Variants in FAM118A observed in about 807,000 individuals in gnomAD.
FAM118A encodes SIR2 antiphage like 2, also known as protein FAM118A.
Under a neutral mutation model 38.2 loss-of-function variants are expected in FAM118A, and 25 were observed. The observed-to-expected ratio is 0.65, with a 90% CI of 0.48 to 0.91. The LOEUF (loss-of-function observed/expected upper bound fraction) is 0.91. FAM118A is among the 40% of genes least tolerant of loss of function. The pLI, the probability that FAM118A is intolerant of heterozygous loss-of-function variation, is 0.00. For synonymous variants in FAM118A, 178 were observed against 184.1 expected (o/e 0.97, Z 0.27); for missense variants, 425 against 463.3 (o/e 0.92, Z 0.76).
chr22:45,335,047 T>C, intron 6 of FAM118A: 1 of 412,096 alleles, frequency 2.4e-6, no homozygotes, highest in Non-Finnish European at 4.3e-6. Context: ...ACATTTGTAC[T>C]CGAATTCATG....
intron 3 of FAM118A, among the ~76,000 whole-genome samples, chr22:45,323,717 A>C (rs1455849131): frequency 6.6e-6 from 1 of 152,156 alleles, no homozygotes; most frequent in Non-Finnish European, 1.5e-5. Flanking sequence ...GAACTTTGTG[A>C]TTGTATATTC....
intron 1 of FAM118A, among the ~76,000 whole-genome samples, chr22:45,312,805 G>C (rs1019258910): frequency 2.6e-5 from 4 of 152,200 alleles, no homozygotes. Context: ...CAGAGCTTCT[G>C]TGCCCTCCCC....
chr22:45,340,835 T>G lies in FAM118A; in HGVS notation c.*430T>G. 5.3e-6 allele frequency: 1 copy of G among 189,248 alleles called. No homozygotes were observed. The highest frequency in any genetic ancestry group is 1.1e-5 in the Non-Finnish European group (1 of 90,954). The allele number at this position is 189,248 out of a possible 1,614,324, so 11.7% of individuals were successfully genotyped here. A position where few individuals can be genotyped will look rare whatever the true frequency, so the allele number is the denominator to read the frequency against. On this transcript the variant is annotated 3_prime_UTR_variant, in exon 9 of 9. Coordinates refer to ENST00000441876, the MANE Select transcript of FAM118A (RefSeq NM_017911.4). ...TTTTTTTTTTGAGTCAGAGTCTCAC[T>G]CTGTCACCCAGGACAGAGTGCAGTG...
At chr22:45,335,223 C>G in intron 6 of FAM118A, 127 bp from the exon 7 acceptor site, 4 of 982,036 alleles carry the variant, frequency 4.1e-6, no homozygotes, top group Non-Finnish European at 6.3e-6. Context: ...GTCCGCAGCC[C>G]GCGCGGGCTG....
chr22:45,331,770 G>A (rs755820068), intron 5 of FAM118A, among the ~76,000 whole-genome samples: 6 of 152,066 alleles, frequency 3.9e-5, no homozygotes, highest in Non-Finnish European at 8.8e-5. Flanking sequence ...AAATACCTGG[G>A]CTGAGACTGA....
chr22:45,330,895 C>A (rs537797329), intron 5 of FAM118A, 164 bp downstream of exon 5: 7 of 653,328 alleles, frequency 1.1e-5, no homozygotes, highest in Non-Finnish European at 1.3e-5. Context: ...TTGTCCTCGT[C>A]TGTGTCTCTG....
At chr22:45,323,557 C>T in intron 3 of FAM118A, 130 bp downstream of exon 3, 1 of 1,213,230 alleles carries the variant, frequency 8.2e-7, no homozygotes, top group Non-Finnish European at 1.1e-6. Flanking sequence ...GCTGATGAGC[C>T]AGAAATCCTT....
chr22:45,336,931 A>G (rs1471995191), intron 8 of FAM118A, among the ~76,000 whole-genome samples: 2 of 152,192 alleles, frequency 1.3e-5, no homozygotes, highest in East Asian at 1.9e-4. Flanking sequence ...TGCCTCTGTT[A>G]CAGACTAAGA....
At chr22:45,323,040 A>AGTGT in intron 2 of FAM118A, 135 bp from the exon 3 acceptor site, 2 of 518,984 alleles carry the variant, frequency 3.9e-6, no homozygotes, top group South Asian at 8.0e-5. Context: ...GTCAGAGGGG[A>AGTGT]CTGTGTGTGT....
At chr22:45,312,411 G>A (rs371705785) in intron 1 of FAM118A, among the ~76,000 whole-genome samples, 6 of 152,194 alleles carry the variant, frequency 3.9e-5, no homozygotes, top group African/African-American at 1.4e-4. Context: ...GGTGGCTCAC[G>A]CCTGTAATCC....
chr22:45,319,866 A>G (rs890438889), intron 1 of FAM118A, among the ~76,000 whole-genome samples: 70 of 152,210 alleles, frequency 4.6e-4, no homozygotes, highest in African/African-American at 1.6e-3. Context: ...TCCCTGGGGC[A>G]GGTTACAGGC....
At chr22:45,321,238 T>C (rs1249088041) in intron 1 of FAM118A, among the ~76,000 whole-genome samples, 1 of 152,032 alleles carries the variant, frequency 6.6e-6, no homozygotes, top group Non-Finnish European at 1.5e-5. Context: ...TGCCTCAGCC[T>C]CCCTTGTAAA....
At chr22:45,324,111 G>A (rs919055522) in intron 3 of FAM118A, among the ~76,000 whole-genome samples, 1 of 152,250 alleles carries the variant, frequency 6.6e-6, no homozygotes, top group East Asian at 1.9e-4. Flanking sequence ...AGGACGGGAG[G>A]AGATGTTGGA....
At chr22:45,319,532 C>T (rs967156117) in intron 1 of FAM118A, among the ~76,000 whole-genome samples, 1 of 152,172 alleles carries the variant, frequency 6.6e-6, no homozygotes, top group African/African-American at 2.4e-5. Flanking sequence ...TTCCAGCTGC[C>T]AGAGCACTTT....
intron 1 of FAM118A, among the ~76,000 whole-genome samples, chr22:45,320,336 C>T (rs1249219877): frequency 3.9e-5 from 6 of 152,020 alleles, no homozygotes; most frequent in Admixed American, 3.9e-4. Context: ...GTGGCGCAGG[C>T]CTGTGCCACT....
intron 3 of FAM118A, among the ~76,000 whole-genome samples, chr22:45,326,016 G>A (rs1385500978): frequency 6.6e-6 from 1 of 152,118 alleles, no homozygotes; most frequent in Non-Finnish European, 1.5e-5. Context: ...CTGTGGCGAT[G>A]AGTGGGAACC....
chr22:45,330,433 C>G, intron 4 of FAM118A, 170 bp from the exon 5 acceptor site: 1 of 668,094 alleles, frequency 1.5e-6, no homozygotes, highest in Non-Finnish European at 2.2e-6. Flanking sequence ...AACTAGGGCT[C>G]ACAACCAAGT....
At chr22:45,328,751 C>A in intron 4 of FAM118A, 1 of 428,600 alleles carries the variant, frequency 2.3e-6, no homozygotes, top group Non-Finnish European at 4.3e-6. Context: ...GTACTCCAGC[C>A]TGGGCAAGAG....
At position 45,341,657 on chromosome 22, in the gene FAM118A, C is replaced by T. The variant is rs1334148278; in HGVS notation, c.*1252C>T. Reference sequence around the variant, plus strand: ...CCGGGGAGCTTCTCTGACTGTGACCCGGCAGAGGCTTCTGTGGCGGTGCAT... The same window carrying T: ...CCGGGGAGCTTCTCTGACTGTGACCTGGCAGAGGCTTCTGTGGCGGTGCAT... On this transcript the variant is annotated 3_prime_UTR_variant, in exon 9 of 9. Transcript: ENST00000441876. 1.3e-5 allele frequency: 2 copies of T among 152,210 alleles called. No individual in the cohort carries two copies. Among genetic ancestry groups the T allele is most frequent in the Non-Finnish European group, 2.9e-5 (2 of 68,092 alleles). The allele number at this position is 152,210 out of a possible 1,614,324, so 9.4% of individuals were successfully genotyped here. A position where few individuals can be genotyped will look rare whatever the true frequency, so the allele number is the denominator to read the frequency against.
Sources: gnomAD v4.1 joint callset for allele counts (sites outside exome capture counted in the v4.1 genomes callset) on GRCh38, gnomAD v4.1.1 for gene constraint, MANE v1.5 for transcripts, NCBI Gene and HGNC (gene_info 2026-07-23, HGNC 2026-07-21) for gene names.